CCSER1: variants seen among roughly 807,000 people sequenced by gnomAD.
CCSER1 encodes the protein coiled-coil serine rich protein 1, also known as serine-rich coiled-coil domain-containing protein 1.
Under a neutral mutation model 82.0 loss-of-function variants are expected in CCSER1, and 41 were observed. The observed-to-expected ratio is 0.50, with a 90% confidence interval of 0.39 to 0.65. CCSER1 has a LOEUF of 0.65. Ranked by LOEUF, CCSER1 falls within the 30% of genes least tolerant of loss-of-function variation. CCSER1 has a pLI of 0.00. For missense variants in CCSER1, 1,119 were observed against 1,064.2 expected (o/e 1.05, Z -0.72); for synonymous variants, 414 against 383.9 (o/e 1.08, Z -0.92).
At chr4:90,640,212 A>G (rs995685753) in intron 6 of CCSER1, among the ~76,000 whole-genome samples, 1 of 152,192 alleles carries the variant, frequency 6.6e-6, no homozygotes, top group African/African-American at 2.4e-5. Context: ...TAACTTGGAT[A>G]GTCAAAGCCT....
intron 8 of CCSER1, among the ~76,000 whole-genome samples, chr4:90,911,650 C>T (rs149018473): frequency 0.057 from 8,637 of 152,144 alleles, 831 homozygotes; most frequent in African/African-American, 0.2. Context: ...GTGGGTGTAG[C>T]GCACCAAGCA....
chr4:90,812,784 G>T (rs1758519902), intron 7 of CCSER1, among the ~76,000 whole-genome samples: 1 of 151,488 alleles, frequency 6.6e-6, no homozygotes, highest in Non-Finnish European at 1.5e-5. Flanking sequence ...AAAGCAGCAG[G>T]AGAGAGAGAG....
intron 6 of CCSER1, among the ~76,000 whole-genome samples, chr4:90,673,490 A>G (rs1484901556): frequency 1.3e-5 from 2 of 152,028 alleles, no homozygotes; most frequent in Non-Finnish European, 2.9e-5. Context: ...TAAGTAAAAC[A>G]TAATGTGGAT....
At chr4:90,727,334 T>G (rs1482845509) in intron 7 of CCSER1, 2 of 454,698 alleles carry the variant, frequency 4.4e-6, no homozygotes, top group South Asian at 3.1e-5. Context: ...AACAACAGAA[T>G]CATAAAAGTT....
chr4:91,377,022 A>C (rs187540496), intron 10 of CCSER1, among the ~76,000 whole-genome samples: 1 of 151,482 alleles, frequency 6.6e-6, no homozygotes, highest in African/African-American at 2.4e-5. Context: ...TCCTTGCGAT[A>C]GTTTGCTGAG....
At chr4:90,562,427 A>G (rs1328223775) in intron 5 of CCSER1, among the ~76,000 whole-genome samples, 1 of 152,208 alleles carries the variant, frequency 6.6e-6, no homozygotes, top group East Asian at 1.9e-4. Flanking sequence ...GGGAAAACAC[A>G]TAGTGAATCA....
intron 5 of CCSER1, among the ~76,000 whole-genome samples, chr4:90,546,181 C>T (rs1312146160): frequency 2.0e-5 from 3 of 152,058 alleles, no homozygotes; most frequent in Non-Finnish European, 2.9e-5. Context: ...ATTTCCTCTC[C>T]TGCTTACCTA....
At chr4:91,167,676 G>T (rs1184454578) in intron 10 of CCSER1, among the ~76,000 whole-genome samples, 1 of 152,156 alleles carries the variant, frequency 6.6e-6, no homozygotes, top group African/African-American at 2.4e-5. Context: ...TAGAAGGGGT[G>T]ACTTCTAGAA....
intron 9 of CCSER1, among the ~76,000 whole-genome samples, chr4:90,933,429 C>T (rs1339696195): frequency 2.6e-5 from 4 of 151,586 alleles, no homozygotes; most frequent in Admixed American, 6.6e-5. Flanking sequence ...CCTCATGATC[C>T]GCCCACCTCG....
At chr4:91,026,930 A>T (rs1740536822) in intron 9 of CCSER1, among the ~76,000 whole-genome samples, 1 of 152,082 alleles carries the variant, frequency 6.6e-6, no homozygotes, top group Non-Finnish European at 1.5e-5. Flanking sequence ...AAGCCTGTAG[A>T]CAAATTACAG....
chr4:91,070,792 A>C (rs1721347633), intron 9 of CCSER1, among the ~76,000 whole-genome samples: 1 of 152,158 alleles, frequency 6.6e-6, no homozygotes, highest in African/African-American at 2.4e-5. Flanking sequence ...AGGTGCCAAA[A>C]AGGTTGGGAA....
intron 7 of CCSER1, among the ~76,000 whole-genome samples, chr4:90,758,179 C>T (rs538160607): frequency 7.3e-4 from 111 of 152,154 alleles, no homozygotes; most frequent in Non-Finnish European, 1.2e-3. Flanking sequence ...CCAGGTGATC[C>T]GCCTGCGTCG....
intron 5 of CCSER1, among the ~76,000 whole-genome samples, chr4:90,585,076 A>T (rs1301563710): frequency 6.6e-6 from 1 of 152,248 alleles, no homozygotes; most frequent in Non-Finnish European, 1.5e-5. Flanking sequence ...GGAATTGAGC[A>T]GACCCTTAAC....
intron 10 of CCSER1, among the ~76,000 whole-genome samples, chr4:91,091,132 C>T (rs187817542): frequency 5.9e-5 from 9 of 152,184 alleles, no homozygotes; most frequent in Non-Finnish European, 1.0e-4. Flanking sequence ...AAAAGAGCCA[C>T]ATCCTGCTCC....
intron 10 of CCSER1, among the ~76,000 whole-genome samples, chr4:91,222,383 T>G (rs1737825591): frequency 6.6e-6 from 1 of 152,120 alleles, no homozygotes; most frequent in African/African-American, 2.4e-5. Flanking sequence ...TTATTTTCTA[T>G]AATTTGTAGC....
chr4:90,600,003 A>G (rs1397474694), intron 5 of CCSER1, among the ~76,000 whole-genome samples: 1 of 152,148 alleles, frequency 6.6e-6, no homozygotes, highest in African/African-American at 2.4e-5. Flanking sequence ...TTCACTTAAC[A>G]TAATTATTTT....
intron 10 of CCSER1, among the ~76,000 whole-genome samples, chr4:91,553,833 AG>A (rs1417585635): frequency 6.6e-6 from 1 of 150,448 alleles, no homozygotes; most frequent in African/African-American, 2.4e-5. Context: ...GTCTAGCTAA[AG>A]GTTTATCAAT....
At chr4:90,697,930 T>C (rs1234224094) in intron 6 of CCSER1, among the ~76,000 whole-genome samples, 1 of 152,076 alleles carries the variant, frequency 6.6e-6, no homozygotes, top group East Asian at 1.9e-4. Context: ...TTCAAAGAGG[T>C]GCAGATAATG....
At chr4:90,171,694 T>C (rs1257021145) in intron 1 of CCSER1, among the ~76,000 whole-genome samples, 1 of 151,884 alleles carries the variant, frequency 6.6e-6, no homozygotes, top group Non-Finnish European at 1.5e-5. Flanking sequence ...AGCAGCACAA[T>C]GAGCAACGGT....
Sources: gnomAD v4.1 joint callset for allele counts (sites outside exome capture counted in the v4.1 genomes callset) on GRCh38, gnomAD v4.1.1 for gene constraint, MANE v1.5 for transcripts, NCBI Gene and HGNC (gene_info 2026-07-23, HGNC 2026-07-21) for gene names.